MCTP1: variants seen among roughly 807,000 people sequenced by gnomAD.
MCTP1 encodes the protein multiple C2 and transmembrane domain containing 1, also known as multiple C2 and transmembrane domain-containing protein 1.
MCTP1 carries 69 observed loss-of-function variants against 120.6 expected under a neutral mutation model. That is an observed-to-expected ratio of 0.57 (90% CI 0.47 to 0.70). The LOEUF is 0.70. MCTP1 is among the 30% of genes least tolerant of loss of function. The probability of loss-of-function intolerance (pLI) is 0.00; values close to 1 mark genes in which losing one functional copy is unlikely to be tolerated. For missense variants in MCTP1, 1,203 were observed against 1,248.8 expected (o/e 0.96, Z 0.55); for synonymous variants, 529 against 493.1 (o/e 1.07, Z -0.96).
At chr5:95,126,461 T>G (rs1758642978) in intron 1 of MCTP1, among the ~76,000 whole-genome samples, 1 of 152,228 alleles carries the variant, frequency 6.6e-6, no homozygotes, top group African/African-American at 2.4e-5. Flanking sequence ...CCTAATGGTC[T>G]GTTTAAAGAA....
At chr5:95,154,936 G>A (rs1744936196) in intron 1 of MCTP1, among the ~76,000 whole-genome samples, 1 of 152,028 alleles carries the variant, frequency 6.6e-6, no homozygotes, top group East Asian at 1.9e-4. Context: ...AACTGATTAA[G>A]GAGTAAATAT....
chr5:95,061,509 C>G (rs1749203393), intron 1 of MCTP1, among the ~76,000 whole-genome samples: 2 of 133,910 alleles, frequency 1.5e-5, no homozygotes, highest in Admixed American at 7.9e-5. Context: ...GATCTCGGCT[C>G]ACTGCAAGCT....
At chr5:94,723,854 G>T (rs889219299) in intron 19 of MCTP1, among the ~76,000 whole-genome samples, 5 of 151,542 alleles carry the variant, frequency 3.3e-5, no homozygotes, top group Non-Finnish European at 7.4e-5. Flanking sequence ...TAAAATAAAA[G>T]CCAGGAAGGA....
In MCTP1 at chr5:94,796,210, A is replaced by T. The variant is rs564284571; in HGVS notation, c.2556+2803T>A. Among the ~76,000 whole-genome samples, 24 of 151,680 alleles carry T rather than the reference A, an allele frequency of 1.6e-4. No individual in the cohort carries two copies. In the South Asian group the frequency reaches 4.8e-3, roughly 30 times the overall value. ...CTATACAGACCTGAAGGTCATTTTGATTTTTCGTTTATAGTTTTCACCCTA... is the reference window on the plus strand; with the variant it reads ...CTATACAGACCTGAAGGTCATTTTGTTTTTTCGTTTATAGTTTTCACCCTA... On this transcript the variant is annotated intron_variant, in intron 18 of 22. Coordinates refer to ENST00000515393, the MANE Select transcript of MCTP1 (RefSeq NM_024717.7).
chr5:95,166,816 C>G (rs1224815287), intron 1 of MCTP1, among the ~76,000 whole-genome samples: 1 of 152,070 alleles, frequency 6.6e-6, no homozygotes, highest in Admixed American at 6.5e-5. Flanking sequence ...ATCCGCCCGC[C>G]TCAGCCTCCC....
intron 1 of MCTP1, among the ~76,000 whole-genome samples, chr5:95,110,555 T>A (rs1757380775): frequency 2.0e-5 from 3 of 152,162 alleles, no homozygotes; most frequent in Admixed American, 1.3e-4. Flanking sequence ...TATGTTAAGC[T>A]CCTGAAATTG....
intron 12 of MCTP1, among the ~76,000 whole-genome samples, chr5:94,873,825 C>T (rs1406763332): frequency 1.3e-5 from 2 of 151,746 alleles, no homozygotes; most frequent in East Asian, 3.9e-4. Context: ...GAAAAAAAAT[C>T]TACCATTTGA....
intron 2 of MCTP1, among the ~76,000 whole-genome samples, chr5:94,974,486 C>T (rs1345009776): frequency 6.6e-6 from 1 of 151,792 alleles, no homozygotes; most frequent in Non-Finnish European, 1.5e-5. Flanking sequence ...GAGTTGGTGG[C>T]TGCAGTGAGC....
chr5:95,052,796 G>C (rs1746355027), intron 1 of MCTP1, among the ~76,000 whole-genome samples: 1 of 152,162 alleles, frequency 6.6e-6, no homozygotes, highest in African/African-American at 2.4e-5. Flanking sequence ...TTTAATGTGT[G>C]TTTTCTAAAC....
chr5:95,004,982 C>G (rs1041608994), intron 2 of MCTP1, among the ~76,000 whole-genome samples: 1 of 152,240 alleles, frequency 6.6e-6, no homozygotes, highest in African/African-American at 2.4e-5. Flanking sequence ...AGGCACTCAA[C>G]ACCAACTGGT....
chr5:94,805,451 A>T (rs1782072086), intron 17 of MCTP1, among the ~76,000 whole-genome samples: 2 of 152,006 alleles, frequency 1.3e-5, no homozygotes, highest in South Asian at 2.1e-4. Context: ...ACCTAGCGAG[A>T]CCTCGTCTCT....
chr5:95,118,559 T>C (rs776568597), intron 1 of MCTP1, among the ~76,000 whole-genome samples: 1 of 152,078 alleles, frequency 6.6e-6, no homozygotes, highest in Non-Finnish European at 1.5e-5. Context: ...TGAACATAAA[T>C]GGACAAAACT....
intron 2 of MCTP1, among the ~76,000 whole-genome samples, chr5:95,013,894 A>G (rs1836544357): frequency 6.6e-6 from 1 of 152,076 alleles, no homozygotes; most frequent in Non-Finnish European, 1.5e-5. Context: ...TGCTATATGT[A>G]GTTCCTCTGA....
In MCTP1 at chr5:95,270,403, T is replaced by C. The variant is rs530418166; in HGVS notation, c.720+13453A>G. Among the ~76,000 whole-genome samples, 5 of 152,364 alleles carry C rather than the reference T, an allele frequency of 3.3e-5. No individual in the cohort carries two copies. In the East Asian group the frequency reaches 7.7e-4, roughly 23 times the overall value. On this transcript the variant is annotated intron_variant, in intron 1 of 22. Coordinates refer to ENST00000515393, the MANE Select transcript of MCTP1 (RefSeq NM_024717.7). ...GTTGCAGTAAATAAATCAGTTAATA[T>C]ATATACAACACTTAGAATAGTGCCT...
chr5:95,261,599 A>C (rs1256759252), intron 1 of MCTP1, among the ~76,000 whole-genome samples: 2 of 152,320 alleles, frequency 1.3e-5, no homozygotes, highest in East Asian at 3.9e-4. Context: ...GTGTAACCCT[A>C]CCAGCAAAAC....
chr5:95,090,308 C>T (rs1191917768), intron 1 of MCTP1, among the ~76,000 whole-genome samples: 1 of 151,844 alleles, frequency 6.6e-6, no homozygotes, highest in Non-Finnish European at 1.5e-5. Flanking sequence ...TCTTTTTGGC[C>T]AATACTTCAA....
chr5:94,953,046 T>C (rs1402837740), intron 3 of MCTP1, among the ~76,000 whole-genome samples, 173 bp downstream of exon 3: 1 of 152,204 alleles, frequency 6.6e-6, no homozygotes, highest in Non-Finnish European at 1.5e-5. Flanking sequence ...ATGCCCCTGC[T>C]AGCTCCTCCT....
At chr5:95,264,464 C>G (rs1003669681) in intron 1 of MCTP1, among the ~76,000 whole-genome samples, 2 of 152,214 alleles carry the variant, frequency 1.3e-5, no homozygotes, top group African/African-American at 2.4e-5. Context: ...AGACCAGCAG[C>G]TGAGTCCAGC....
chr5:94,778,874 T>C (rs1314790707), intron 19 of MCTP1, among the ~76,000 whole-genome samples: 1 of 152,122 alleles, frequency 6.6e-6, no homozygotes, highest in East Asian at 1.9e-4. Context: ...AGCTGAATTA[T>C]TTTTTTGTTT....
Sources: gnomAD v4.1 joint callset for allele counts (sites outside exome capture counted in the v4.1 genomes callset) on GRCh38, gnomAD v4.1.1 for gene constraint, MANE v1.5 for transcripts, NCBI Gene and HGNC (gene_info 2026-07-23, HGNC 2026-07-21) for gene names.